The following FER1L6 variants were observed in gnomAD, a reference collection of about 807,000 sequenced individuals.
The protein encoded by FER1L6 is fer-1-like protein 6.
In FER1L6, 177 loss-of-function variants were observed where a neutral mutation model predicts 219.2. The ratio of observed to expected loss-of-function variants is 0.81; its 90% CI spans 0.71 to 0.91. The LOEUF (loss-of-function observed/expected upper bound fraction) is 0.91, where lower values mean the gene tolerates loss of function less well. Ranked by LOEUF, FER1L6 falls within the 40% of genes least tolerant of loss-of-function variation. FER1L6 has a pLI of 0.00. For missense variants in FER1L6, 2,153 were observed against 2,259.9 expected (o/e 0.95, Z 0.96); for synonymous variants, 768 against 824.3 (o/e 0.93, Z 1.17).
chr8:124,113,690 T>C (rs1317670614), intron 39 of FER1L6, among the ~76,000 whole-genome samples: 1 of 152,252 alleles, frequency 6.6e-6, no homozygotes, highest in Non-Finnish European at 1.5e-5. Context: ...TCCCCTCATG[T>C]TGACTATTTG....
intron 14 of FER1L6, among the ~76,000 whole-genome samples, chr8:124,011,691 A>G (rs1176792765): frequency 2.1e-5 from 3 of 143,350 alleles, no homozygotes; most frequent in African/African-American, 7.9e-5. Context: ...TAACTATGCT[A>G]CTCAGGCTGG....
chr8:123,884,244 G>A (rs1817160360), intron 1 of FER1L6, among the ~76,000 whole-genome samples: 1 of 152,138 alleles, frequency 6.6e-6, no homozygotes, highest in Non-Finnish European at 1.5e-5. Context: ...AGGGAAGGTG[G>A]GACATATTAT....
intron 18 of FER1L6, among the ~76,000 whole-genome samples, chr8:124,024,361 C>T (rs866143827): frequency 1.3e-5 from 2 of 151,698 alleles, no homozygotes; most frequent in African/African-American, 4.8e-5. Flanking sequence ...TCCCACCCTC[C>T]CCCTTTCTGA....
Position 123,931,754 on chromosome 8 carries a change from G to T in FER1L6, c.-7-24238G>T, listed in dbSNP as rs190434604. On this transcript the variant is annotated intron_variant, in intron 1 of 40. Transcript: ENST00000522917. Reference sequence around the variant, plus strand: ...CAAATATTGTTGCCTGTTTCTTTTTGTTGCAAATATTAAAATCTCAACAGT... The same window carrying T: ...CAAATATTGTTGCCTGTTTCTTTTTTTTGCAAATATTAAAATCTCAACAGT... 1.6e-3 allele frequency among the ~76,000 whole-genome samples: 247 copies of T among 152,152 alleles called. 1 individual carries two copies. Among genetic ancestry groups the T allele is most frequent in the Non-Finnish European group, 2.7e-3 (183 of 67,992 alleles).
intron 1 of FER1L6, among the ~76,000 whole-genome samples, chr8:123,858,459 T>C (rs981958964): frequency 3.9e-5 from 6 of 152,200 alleles, no homozygotes; most frequent in African/African-American, 1.4e-4. Context: ...AAGTGCCAGA[T>C]GCTTATTTCT....
intron 34 of FER1L6, among the ~76,000 whole-genome samples, chr8:124,092,512 G>GGACAT (rs1335159141): frequency 6.6e-6 from 1 of 151,994 alleles, no homozygotes; most frequent in Admixed American, 6.6e-5. Context: ...GAACATCCTG[G>GGACAT]GACATAACAC....
chr8:123,933,441 G>T (rs554499714), intron 1 of FER1L6, among the ~76,000 whole-genome samples: 2 of 152,002 alleles, frequency 1.3e-5, no homozygotes, highest in South Asian at 4.2e-4. Flanking sequence ...TAAGCTGCCA[G>T]ACACAGGGAT....
At chr8:123,869,520 A>T (rs1428788309) in intron 1 of FER1L6, among the ~76,000 whole-genome samples, 1 of 152,194 alleles carries the variant, frequency 6.6e-6, no homozygotes, top group Non-Finnish European at 1.5e-5. Flanking sequence ...CCACTCCCTA[A>T]AGCTCAAGCT....
At position 123,853,830 on chromosome 8, in the gene FER1L6, G is replaced by C. The variant is rs1313967669; in HGVS notation, c.-8+1645G>C. Among the ~76,000 whole-genome samples the C allele has an allele frequency of 1.3e-5, 2 of 152,198 alleles. No homozygotes were observed. Among genetic ancestry groups the C allele is most frequent in the African/African-American group, 2.4e-5 (1 of 41,462 alleles). On this transcript the variant is annotated intron_variant, in intron 1 of 40. Transcript: ENST00000522917. The surrounding 1 kb of genome is among the most constrained non-coding windows in gnomAD (Gnocchi z 6.6). ...TAAGAAGGAACAACATCGCGGCCTTGATGAAGCCACAGTGATGCTACCCAG... is the reference window on the plus strand; with the variant it reads ...TAAGAAGGAACAACATCGCGGCCTTCATGAAGCCACAGTGATGCTACCCAG...
rs141333614 is a variant in FER1L6, at chr8:124,069,481, T to A, written c.3834+6T>A. The A allele has an allele frequency of 7.2e-5, 115 of 1,597,298 alleles. No homozygotes were observed. The African/African-American group carries it at 9.7e-4, about 14-fold the overall frequency. On this transcript the variant is annotated splice_donor_region_variant and intron_variant, in intron 29 of 40. Transcript: ENST00000522917. The stretch of plus-strand genomic sequence containing the variant: ...CCAACCTGGCCATCTTGCAGGTATG[T>A]GGGGACACAGGCATCTCTGCCATGG...
At chr8:123,878,665 T>C (rs1421861564) in intron 1 of FER1L6, among the ~76,000 whole-genome samples, 1 of 152,234 alleles carries the variant, frequency 6.6e-6, no homozygotes, top group African/African-American at 2.4e-5. Context: ...CTATGAGGCA[T>C]GTGGAATCGT....
rs941304118 is a variant in FER1L6 at position 123,853,399 on chromosome 8, C to T, written c.-8+1214C>T. Among the ~76,000 whole-genome samples the T allele has an allele frequency of 2.0e-5, 3 of 152,286 alleles. No homozygotes were observed. Among genetic ancestry groups the T allele is most frequent in the African/African-American group, 7.2e-5 (3 of 41,562 alleles). On this transcript the variant is annotated intron_variant, in intron 1 of 40. Transcript: ENST00000522917. The surrounding 1 kb of genome is among the most constrained non-coding windows in gnomAD (Gnocchi z 6.6). ...CAAACTTCTGACCTCAAACGATCCA[C>T]CCACCTCAGCCTCCCAAAGTGCTGG...
chr8:123,923,536 A>G (rs1183167381), intron 1 of FER1L6, among the ~76,000 whole-genome samples: 1 of 152,232 alleles, frequency 6.6e-6, no homozygotes, highest in Non-Finnish European at 1.5e-5. Context: ...GCATAAGAGT[A>G]GCCAATTTAT....
At chr8:124,011,489 G>A (rs549992565) in intron 14 of FER1L6, among the ~76,000 whole-genome samples, 93 of 152,116 alleles carry the variant, frequency 6.1e-4, no homozygotes, top group African/African-American at 2.2e-3. Flanking sequence ...CCATATAGCT[G>A]GGACCATGTA....
chr8:124,094,949 G>T lies in FER1L6; in HGVS notation c.4606G>T (p.Glu1536Ter). 6.2e-7 allele frequency: 1 copy of T among 1,614,154 alleles called. No individual in the cohort carries two copies. Among genetic ancestry groups the T allele is most frequent in the Non-Finnish European group, 8.5e-7 (1 of 1,179,990 alleles). ...HLALKVLHSW[E>*]DIPEVGCRLV... ...GGCCCTCAAGGTTTTACACTCTTGG[G>T]AGGATATCCCGGAAGTCGGGTGTAG... Residue 1536 changes from glutamate to a stop codon, truncating the protein, a stop_gained, in exon 35 of 41, where the codon GAG becomes TAG. Transcript: ENST00000522917. LOFTEE classifies it high-confidence loss of function.
chr8:124,090,880 C>T (rs760724860), intron 33 of FER1L6, among the ~76,000 whole-genome samples: 3 of 152,210 alleles, frequency 2.0e-5, no homozygotes, highest in East Asian at 1.9e-4. Context: ...GAAGCAGAGA[C>T]CTTGAAACTT....
chr8:123,879,417 C>T (rs777651876), intron 1 of FER1L6, among the ~76,000 whole-genome samples: 15 of 152,124 alleles, frequency 9.9e-5, no homozygotes, highest in Non-Finnish European at 2.1e-4. Flanking sequence ...AGCTCTGCCT[C>T]CCAGGTTCAA....
intron 31 of FER1L6, among the ~76,000 whole-genome samples, chr8:124,074,082 G>A (rs1198188086): frequency 1.3e-5 from 2 of 152,120 alleles, no homozygotes; most frequent in African/African-American, 4.8e-5. Flanking sequence ...TTTCATTGCT[G>A]CAGAGTTTCT....
At chr8:123,886,157 A>G (rs1001745815) in intron 1 of FER1L6, among the ~76,000 whole-genome samples, 1 of 152,196 alleles carries the variant, frequency 6.6e-6, no homozygotes, top group Non-Finnish European at 1.5e-5. Flanking sequence ...CTTCTCCAGT[A>G]ATCCTGATGT....
Sources: gnomAD v4.1 joint callset for allele counts (sites outside exome capture counted in the v4.1 genomes callset) on GRCh38, gnomAD v4.1.1 for gene constraint, Gnocchi (gnomAD v3.1) non-coding constraint, MANE v1.5 for transcripts, NCBI Gene and HGNC (gene_info 2026-07-23, HGNC 2026-07-21) for gene names.